The following ACSBG1 variants were observed in gnomAD, a reference collection of about 807,000 sequenced individuals.
The protein encoded by ACSBG1 is acyl-CoA synthetase bubblegum family member 1.
Under a neutral mutation model 80.2 loss-of-function variants are expected in ACSBG1, and 39 were observed. The ratio of observed to expected loss-of-function variants is 0.49; its 90% CI spans 0.38 to 0.64. The LOEUF (loss-of-function observed/expected upper bound fraction) is 0.64. Ranked by LOEUF, ACSBG1 falls within the 30% of genes least tolerant of loss-of-function variation. The pLI is 0.00. For synonymous variants in ACSBG1, 392 were observed against 379.5 expected, an observed-to-expected ratio of 1.03 and a Z score of -0.38; for missense variants, 828 against 966.4, an observed-to-expected ratio of 0.86 and a Z score of 1.90.
chr15:78,174,536 A>C lies in ACSBG1; in HGVS notation c.1703-12T>G. The C allele has an allele frequency of 1.2e-6, 2 of 1,612,048 alleles. No individual in the cohort carries two copies. Among genetic ancestry groups the C allele is most frequent in the Non-Finnish European group, 8.5e-7 (1 of 1,178,736 alleles). On this transcript the variant is annotated splice_polypyrimidine_tract_variant and intron_variant, in intron 11 of 13. Coordinates refer to ENST00000258873, the MANE Select transcript of ACSBG1 (RefSeq NM_015162.5). Reference sequence around the variant, plus strand: ...TGTGATGATTAATTCTGGGGAGGCAAGGCCAGGCCCCCGGCACAGAATGTA... The same window carrying C: ...TGTGATGATTAATTCTGGGGAGGCACGGCCAGGCCCCCGGCACAGAATGTA...
At chr15:78,233,039 G>A (rs2075460689) in intron 1 of ACSBG1, among the ~76,000 whole-genome samples, 1 of 152,312 alleles carries the variant, frequency 6.6e-6, no homozygotes, top group Admixed American at 6.5e-5. Context: ...TGCTCTCTGA[G>A]CCCACAGACC....
intron 1 of ACSBG1, chr15:78,209,181 T>G (rs1341954687): frequency 2.2e-6 from 1 of 456,116 alleles, no homozygotes. Context: ...TTGTCGGCAC[T>G]GCAGGTTCCG....
In ACSBG1 at chr15:78,173,700, A is replaced by G; in HGVS notation, c.1982T>C (p.Ile661Thr). The G allele has an allele frequency of 1.2e-6, 2 of 1,614,204 alleles. No homozygotes were observed. The highest frequency in any genetic ancestry group is 1.7e-6 in the Non-Finnish European group (2 of 1,180,040). ...GTTGACCCTCCGGATCCCCTCTTCGATGGCCTGGTACACGGCCTCATCCTT... is the reference window on the plus strand; with the variant it reads ...GTTGACCCTCCGGATCCCCTCTTCGGTGGCCTGGTACACGGCCTCATCCTT... ...EKKDEAVYQA[I>T]EEGIRRVNMN... is the part of the protein sequence containing the mutation. The change falls in exon 13 of 14, where the codon ATC (isoleucine) becomes ACC (threonine). Residue 661 changes from isoleucine to threonine, a missense_variant. By Grantham distance (89) the Ile-to-Thr change is moderately conservative. This residue lies in a region of ACSBG1 where 201 missense variants were observed against 227.0 expected (regional missense o/e 0.89). Transcript: ENST00000258873.
chr15:78,205,463 G>C (rs568603551), intron 2 of ACSBG1, among the ~76,000 whole-genome samples: 1 of 152,160 alleles, frequency 6.6e-6, no homozygotes, highest in Admixed American at 6.5e-5. Context: ...CCAGACTTGT[G>C]GGGGCCAGAC....
At chr15:78,175,274 G>A (rs972098095) in intron 11 of ACSBG1, among the ~76,000 whole-genome samples, 4 of 152,240 alleles carry the variant, frequency 2.6e-5, no homozygotes, top group South Asian at 2.1e-4. Flanking sequence ...TAAATTTAAC[G>A]AATGTACATT....
At chr15:78,209,033 G>A (rs775668317) in intron 1 of ACSBG1, 3 of 412,428 alleles carry the variant, frequency 7.3e-6, no homozygotes, top group Non-Finnish European at 1.5e-5. Flanking sequence ...AACCTGTGCA[G>A]CTGGTCATGG....
intron 5 of ACSBG1, among the ~76,000 whole-genome samples, chr15:78,186,679 T>C (rs968118975): frequency 1.2e-4 from 18 of 151,668 alleles, no homozygotes; most frequent in Non-Finnish European, 1.6e-4. Context: ...AAGCAGTGTG[T>C]AGAGGGAAAT....
Position 78,169,750 on chromosome 15 carries a change from T to C in ACSBG1, c.*1694A>G, listed in dbSNP as rs1317681439. 6.6e-6 allele frequency: 1 copy of C among 152,252 alleles called. No homozygotes were observed. The highest frequency in any genetic ancestry group is 2.4e-5 in the African/African-American group (1 of 41,466). The allele number at this position is 152,252 out of a possible 1,614,324, so 9.4% of individuals were successfully genotyped here. Reference sequence around the variant, plus strand: ...AAGAGCTTTTAATGAAGCAGAGAGCTAGTACTTCATTTTCACTGGATACAT... The same window carrying C: ...AAGAGCTTTTAATGAAGCAGAGAGCCAGTACTTCATTTTCACTGGATACAT... On this transcript the variant is annotated 3_prime_UTR_variant, in exon 14 of 14. Transcript: ENST00000258873.
At chr15:78,210,923 T>C (rs780317225) in intron 1 of ACSBG1, among the ~76,000 whole-genome samples, 1 of 152,198 alleles carries the variant, frequency 6.6e-6, no homozygotes, top group Non-Finnish European at 1.5e-5. Flanking sequence ...CATTTTTTAG[T>C]TTTTAATCCT....
At chr15:78,224,410 A>C (rs2141387936) in intron 1 of ACSBG1, among the ~76,000 whole-genome samples, 1 of 152,306 alleles carries the variant, frequency 6.6e-6, no homozygotes, top group Non-Finnish European at 1.5e-5. Flanking sequence ...TTCACTACAA[A>C]AAATGCTGTA....
rs2075191107 is a variant in ACSBG1, at chr15:78,203,988, G to A, written c.232+4014C>T. On this transcript the variant is annotated intron_variant, in intron 2 of 13. Coordinates refer to ENST00000258873, the MANE Select transcript of ACSBG1 (RefSeq NM_015162.5). ...CACTCTCAGGGATACAGAAGAGGAA[G>A]AGGCCACATTGGCCCCAGGACATGA... Among the ~76,000 whole-genome samples the A allele has an allele frequency of 2.0e-5, 3 of 152,220 alleles. No homozygotes were observed. The South Asian group carries it at 6.2e-4, about 32-fold the overall frequency.
At chr15:78,182,383 A>G (rs577211668) in intron 7 of ACSBG1, 83 bp downstream of exon 7, 64 of 1,550,504 alleles carry the variant, frequency 4.1e-5, no homozygotes, top group Non-Finnish European at 5.4e-5. Flanking sequence ...GAGCTTTCCC[A>G]GGGGCTACTG....
At chr15:78,184,166 T>C (rs958141282) in intron 5 of ACSBG1, among the ~76,000 whole-genome samples, 8 of 152,128 alleles carry the variant, frequency 5.3e-5, no homozygotes, top group Non-Finnish European at 1.0e-4. Context: ...AATAGTCTTA[T>C]TGGTTTCTGG....
At chr15:78,233,181 G>A (rs1173293386) in intron 1 of ACSBG1, among the ~76,000 whole-genome samples, 2 of 152,214 alleles carry the variant, frequency 1.3e-5, no homozygotes, top group African/African-American at 4.8e-5. Flanking sequence ...TGCCCAGGGA[G>A]GGGCTTGCCC....
At chr15:78,189,419 C>G (rs2075036637) in intron 5 of ACSBG1, among the ~76,000 whole-genome samples, 1 of 151,488 alleles carries the variant, frequency 6.6e-6, no homozygotes, top group Non-Finnish European at 1.5e-5. Flanking sequence ...TTGGAACCAA[C>G]CCAAATGTCC....
At chr15:78,173,971 A>G in intron 12 of ACSBG1, 132 bp from the exon 13 acceptor site, 1 of 1,105,682 alleles carries the variant, frequency 9.0e-7, no homozygotes, top group Non-Finnish European at 1.3e-6. Context: ...ACGGTTCTAG[A>G]ATGAGTAGCT....
At chr15:78,231,495 AG>A (rs1398357001) in intron 1 of ACSBG1, among the ~76,000 whole-genome samples, 2 of 152,110 alleles carry the variant, frequency 1.3e-5, no homozygotes, top group Non-Finnish European at 2.9e-5. Context: ...CATGTTACCC[AG>A]GCTGGTCTCG....
intron 4 of ACSBG1, 51 bp downstream of exon 4, chr15:78,193,881 T>C: frequency 6.3e-7 from 1 of 1,594,982 alleles, no homozygotes; most frequent in South Asian, 1.1e-5. Flanking sequence ...TCCCCTACCC[T>C]CTGCCCACTG....
At chr15:78,228,244 CAG>C (rs1259136261) in intron 1 of ACSBG1, among the ~76,000 whole-genome samples, 1 of 152,144 alleles carries the variant, frequency 6.6e-6, no homozygotes, top group Non-Finnish European at 1.5e-5. Context: ...AGCTGGGATC[CAG>C]GGGTCTCTCA....
Sources: allele counts gnomAD v4.1 joint callset (sites outside exome capture counted in the v4.1 genomes callset), GRCh38; gene constraint gnomAD v4.1.1; regional missense constraint gnomAD v4.1.1; transcripts MANE v1.5; gene names NCBI Gene and HGNC (gene_info 2026-07-23, HGNC 2026-07-21).